Variants in CEP128 observed in about 807,000 individuals in gnomAD.
The protein encoded by CEP128 is centrosomal protein 128, also known as centrosomal protein 128kDa.
CEP128 carries 132 observed loss-of-function variants against 156.7 expected under a neutral mutation model. The observed-to-expected ratio is 0.84, with a 90% CI of 0.73 to 0.97. CEP128 has a LOEUF of 0.97. Ranked by LOEUF, CEP128 falls within the 50% of genes least tolerant of loss-of-function variation. CEP128 has a pLI of 0.00. For synonymous variants in CEP128, 469 were observed against 448.9 expected, an observed-to-expected ratio of 1.04 and a Z score of -0.57; for missense variants, 1,252 against 1,281.9, an observed-to-expected ratio of 0.98 and a Z score of 0.36.
chr14:80,555,830 T>C (rs1378677337), intron 21 of CEP128, among the ~76,000 whole-genome samples: 1 of 152,160 alleles, frequency 6.6e-6, no homozygotes, highest in African/African-American at 2.4e-5. Flanking sequence ...GCCTCAATTC[T>C]CTTTACAATG....
At chr14:80,695,820 A>G (rs1896874737) in intron 19 of CEP128, among the ~76,000 whole-genome samples, 2 of 152,134 alleles carry the variant, frequency 1.3e-5, no homozygotes, top group Non-Finnish European at 2.9e-5. Context: ...ATAGACTTTC[A>G]ATGGTCCATA....
chr14:80,541,053 A>C (rs1001325658), intron 21 of CEP128, among the ~76,000 whole-genome samples: 3 of 152,208 alleles, frequency 2.0e-5, no homozygotes, highest in Non-Finnish European at 4.4e-5. Context: ...ATAGTAAAAA[A>C]GATCATCAAT....
chr14:80,618,383 A>G (rs1230555449), intron 19 of CEP128, among the ~76,000 whole-genome samples: 1 of 152,260 alleles, frequency 6.6e-6, no homozygotes, highest in Admixed American at 6.5e-5. Context: ...TAATATCAAC[A>G]CACAACATGA....
At chr14:80,953,859 A>G (rs1253230705) in intron 2 of CEP128, among the ~76,000 whole-genome samples, 1 of 152,198 alleles carries the variant, frequency 6.6e-6, no homozygotes, top group Admixed American at 6.5e-5. Flanking sequence ...TATATAAATG[A>G]ATCATTAATA....
At chr14:80,511,553 G>A (rs1339889828) in intron 23 of CEP128, among the ~76,000 whole-genome samples, 2 of 151,512 alleles carry the variant, frequency 1.3e-5, no homozygotes. Context: ...ACAACTTTTT[G>A]TTTAGTTGAT....
intron 19 of CEP128, among the ~76,000 whole-genome samples, chr14:80,693,101 C>A (rs1896772331): frequency 6.6e-6 from 1 of 152,076 alleles, no homozygotes; most frequent in South Asian, 2.1e-4. Context: ...TAGCAAAGGT[C>A]AAAGATATGC....
intron 20 of CEP128, among the ~76,000 whole-genome samples, chr14:80,571,902 C>A (rs1379588322): frequency 6.6e-6 from 1 of 152,136 alleles, no homozygotes; most frequent in Non-Finnish European, 1.5e-5. Flanking sequence ...GTTCTCTCAC[C>A]GGCTGAGGAA....
rs555104232 is a variant in CEP128 at position 80,857,395 on chromosome 14, T to G, written c.762+5362A>C. Among the ~76,000 whole-genome samples, 26 of 152,184 alleles carry G rather than the reference T, an allele frequency of 1.7e-4. No individual in the cohort carries two copies. In the East Asian group the frequency reaches 3.7e-3, roughly 21 times the overall value. On this transcript the variant is annotated intron_variant, in intron 9 of 24. Transcript: ENST00000555265. Reference sequence around the variant, plus strand: ...GATAATTTACCTCAATGTTATATACTTGACTGTGTACACAGAAAAGGCTGA... The same window carrying G: ...GATAATTTACCTCAATGTTATATACGTGACTGTGTACACAGAAAAGGCTGA...
chr14:80,611,960 A>G (rs1893010344), intron 19 of CEP128, among the ~76,000 whole-genome samples: 1 of 152,200 alleles, frequency 6.6e-6, no homozygotes, highest in Non-Finnish European at 1.5e-5. Context: ...CAGAAGGCTG[A>G]GGCAGGAGAA....
intron 17 of CEP128, among the ~76,000 whole-genome samples, chr14:80,761,014 A>G (rs909281310): frequency 1.3e-5 from 2 of 152,064 alleles, no homozygotes; most frequent in African/African-American, 2.4e-5. Context: ...CAGAGTAACT[A>G]AAAGATAGGG....
At chr14:80,551,255 G>A (rs1003086873) in intron 21 of CEP128, among the ~76,000 whole-genome samples, 2 of 152,226 alleles carry the variant, frequency 1.3e-5, no homozygotes, top group Admixed American at 6.5e-5. Flanking sequence ...ATGCCAAAAA[G>A]GCTTTATTTG....
At chr14:80,811,984 T>C (rs975433875) in intron 13 of CEP128, among the ~76,000 whole-genome samples, 9 of 152,208 alleles carry the variant, frequency 5.9e-5, no homozygotes, top group African/African-American at 9.7e-5. Context: ...CATGGGTAAA[T>C]TGCATGTCAT....
chr14:80,859,114 A>C (rs1340570789), intron 9 of CEP128, among the ~76,000 whole-genome samples: 13 of 150,152 alleles, frequency 8.7e-5, no homozygotes, highest in Admixed American at 5.3e-4. Context: ...TTATTGCGGC[A>C]TTATTCACAA....
chr14:80,695,964 C>G (rs1466349529), intron 19 of CEP128, among the ~76,000 whole-genome samples: 1 of 152,124 alleles, frequency 6.6e-6, no homozygotes, highest in African/African-American at 2.4e-5. Flanking sequence ...AACAAACACT[C>G]TGGCTTCATA....
chr14:80,625,395 T>C (rs755293965), intron 19 of CEP128, among the ~76,000 whole-genome samples: 3 of 152,174 alleles, frequency 2.0e-5, no homozygotes, highest in Non-Finnish European at 4.4e-5. Flanking sequence ...GCCTCGAGCT[T>C]TGTTCTTCTT....
Position 80,496,935 on chromosome 14 carries a change from T to TA in CEP128, c.*543dup, listed in dbSNP as rs1353226337. 1 of 152,414 alleles carries TA rather than the reference T, an allele frequency of 6.6e-6. No individual in the cohort carries two copies. Among genetic ancestry groups the TA allele is most frequent in the African/African-American group, 2.4e-5 (1 of 41,450 alleles). 9.4% of individuals were successfully genotyped at this position (152,414 alleles called of 1,614,324 possible). On this transcript the variant is annotated 3_prime_UTR_variant, in exon 25 of 25. Coordinates refer to ENST00000555265, the MANE Select transcript of CEP128 (RefSeq NM_152446.5). ...GCTACGGTATGCAGTTGTGGACTGT[T>TA]AAGATGATAGATATAAAAGTCCTGA...
intron 19 of CEP128, among the ~76,000 whole-genome samples, chr14:80,647,194 G>T (rs993113660): frequency 1.8e-4 from 26 of 148,358 alleles, no homozygotes; most frequent in African/African-American, 6.0e-4. Context: ...TGCTTATGTC[G>T]CCACCTCTTA....
At chr14:80,896,826 T>C (rs528486233) in intron 7 of CEP128, among the ~76,000 whole-genome samples, 1 of 152,002 alleles carries the variant, frequency 6.6e-6, no homozygotes, top group East Asian at 1.9e-4. Flanking sequence ...TTGAAGACCT[T>C]CTTCTCAAAG....
intron 19 of CEP128, among the ~76,000 whole-genome samples, chr14:80,595,985 T>C (rs1595063266): frequency 1.5e-5 from 2 of 134,922 alleles, no homozygotes; most frequent in East Asian, 4.3e-4. Context: ...CCAGAACAAA[T>C]GGAAATTATG....
Sources: gnomAD v4.1 joint callset for allele counts (sites outside exome capture counted in the v4.1 genomes callset) on GRCh38, gnomAD v4.1.1 for gene constraint, MANE v1.5 for transcripts, NCBI Gene and HGNC (gene_info 2026-07-23, HGNC 2026-07-21) for gene names.